The following GOLGA6L7 variants were observed in gnomAD, a reference collection of about 807,000 sequenced individuals.
The protein encoded by GOLGA6L7 is golgin A6 family like 7.
GOLGA6L7 carries 29 observed loss-of-function variants against 68.9 expected under a neutral mutation model. The ratio of observed to expected loss-of-function variants is 0.42; its 90% CI spans 0.31 to 0.57. The LOEUF (loss-of-function observed/expected upper bound fraction) is 0.57, where lower values mean the gene tolerates loss of function less well. Among genes scored for constraint, GOLGA6L7 ranks in the 20% least tolerant of loss-of-function variants. The pLI, the probability that GOLGA6L7 is intolerant of heterozygous loss-of-function variation, is 0.13. For synonymous variants in GOLGA6L7, 133 were observed against 197.4 expected (o/e 0.67, Z 2.73); for missense variants, 396 against 588.4 (o/e 0.67, Z 3.38).
intron 6 of GOLGA6L7, chr15:28,845,213 C>T (rs2030379120): frequency 2.1e-6 from 1 of 478,390 alleles, no homozygotes; most frequent in Non-Finnish European, 3.8e-6. Context: ...ACTAAAGATA[C>T]TCTTCTGTAC....
At chr15:28,846,014 A>T in intron 3 of GOLGA6L7, 64 bp from the exon 4 acceptor site, 1 of 905,680 alleles carries the variant, frequency 1.1e-6, no homozygotes, top group Admixed American at 2.0e-5. Flanking sequence ...ACAGCAAGAG[A>T]CATGCCCCCA....
In GOLGA6L7 at chr15:28,842,855, T is replaced by C. The variant is rs2030249951; in HGVS notation, c.1249A>G (p.Lys417Glu). The change falls in exon 9 of 9, where the codon AAG becomes GAG. Residue 417 changes from lysine to glutamate, a missense_variant. Physicochemically the swap from Lys to Glu is moderately conservative, Grantham distance 56 (BLOSUM62 1). Around this residue, in one of 5 missense-constraint regions of GOLGA6L7, gnomAD observed 114 missense variants for 186.0 expected, o/e 0.61. Transcript: ENST00000567390. Reference sequence around the variant, plus strand: ...TGCTCCCCCATCTGCTCCTCCTGCTTCCTCATCTGCTCCCCCATCTGCTCC... The same window carrying C: ...TGCTCCCCCATCTGCTCCTCCTGCTCCCTCATCTGCTCCCCCATCTGCTCC... ...QEEQMGEQMR[K>E]QEEQMGEQEE... 1 of 1,227,698 alleles carries C rather than the reference T, an allele frequency of 8.1e-7. No homozygotes were observed. The highest frequency in any genetic ancestry group is 1.0e-6 in the Non-Finnish European group (1 of 996,028). The allele number at this position is 1,227,698 out of a possible 1,614,324, so 76.1% of individuals were successfully genotyped here. A position where few individuals can be genotyped will look rare whatever the true frequency, so the allele number is the denominator to read the frequency against.
chr15:28,848,404 C>A, intron 1 of GOLGA6L7, 95 bp downstream of exon 1: 1 of 678,960 alleles, frequency 1.5e-6, no homozygotes, highest in Non-Finnish European at 2.7e-6. Context: ...GCCCTGCGTG[C>A]CTCTGGAGTG....
rs2030232292 is a variant in GOLGA6L7, at chr15:28,842,624, TCCGCATCTGCTCCTCCTGCTC to T, written c.1459_1479del (p.Glu487_Arg493del). 7.7e-7 allele frequency: 1 copy of T among 1,294,306 alleles called. No individual in the cohort carries two copies. The highest frequency in any genetic ancestry group is 9.7e-7 in the Non-Finnish European group (1 of 1,027,406). 80.2% of individuals were successfully genotyped at this position (1,294,306 alleles called of 1,614,324 possible). ...TTGAATTGCAGCCTCTCCACCTGCT[TCCGCATCTGCTCCTCCTGCTC>T]CCCCATCTGCTCCTCCTGCTCCCCC... On this transcript the variant is annotated inframe_deletion, in exon 9 of 9. Coordinates refer to ENST00000567390, the MANE Select transcript of GOLGA6L7 (RefSeq NM_001365371.2).
At chr15:28,846,961 C>A (rs1205051821) in intron 2 of GOLGA6L7, 103 bp downstream of exon 2, 21 of 623,914 alleles carry the variant, frequency 3.4e-5, no homozygotes, top group Non-Finnish European at 4.5e-5. Context: ...ACCCAGAATT[C>A]TTAGCCAGTA....
Position 28,845,706 on chromosome 15 carries a change from C to T in GOLGA6L7, c.355+12G>A. On this transcript the variant is annotated intron_variant, in intron 5 of 8. Transcript: ENST00000567390. ...GCCAGGTTGAAGGATGACGGGGTGCCCAGATTCCCACCTTCAAATTTCCTG... is the reference window on the plus strand; with the variant it reads ...GCCAGGTTGAAGGATGACGGGGTGCTCAGATTCCCACCTTCAAATTTCCTG... 1.3e-6 allele frequency: 1 copy of T among 772,714 alleles called. No individual in the cohort carries two copies. The highest frequency in any genetic ancestry group is 2.3e-6 in the Non-Finnish European group (1 of 427,536). The allele number at this position is 772,714 out of a possible 1,614,324, so 47.9% of individuals were successfully genotyped here. A position where few individuals can be genotyped will look rare whatever the true frequency, so the allele number is the denominator to read the frequency against.
At position 28,848,373 on chromosome 15, in the gene GOLGA6L7, A is replaced by T. The variant is rs1025386534; in HGVS notation, c.51+126T>A. The T allele has an allele frequency of 6.5e-6, 4 of 617,246 alleles. No individual in the cohort carries two copies. The African/African-American group carries it at 9.9e-5, about 15-fold the overall frequency. 38.2% of individuals were successfully genotyped at this position (617,246 alleles called of 1,614,324 possible). On this transcript the variant is annotated intron_variant, in intron 1 of 8. Transcript: ENST00000567390. ...CACAAGATTTTGGTTGGGGGAGCCC[A>T]GAGGCACTGGGGGGGGCCCGGCCCT...
At chr15:28,847,843 C>A (rs1467852550) in intron 1 of GOLGA6L7, among the ~76,000 whole-genome samples, 1 of 152,242 alleles carries the variant, frequency 6.6e-6, no homozygotes, top group African/African-American at 2.4e-5. Flanking sequence ...CTTCAAAGAT[C>A]ACTGACTGAT....
rs1170881883 is a variant in GOLGA6L7 at position 28,843,143 on chromosome 15, G to T, written c.961C>A (p.Arg321=). 1.6e-6 allele frequency: 2 copies of T among 1,221,228 alleles called. No homozygotes were observed. The highest frequency in any genetic ancestry group is 2.0e-6 in the Non-Finnish European group (2 of 982,724). The allele number at this position is 1,221,228 out of a possible 1,614,324, so 75.6% of individuals were successfully genotyped here. A position where few individuals can be genotyped will look rare whatever the true frequency, so the allele number is the denominator to read the frequency against. ...EQMRKQEEQM[R]KQEEQMGKQE... ...TTCCCCATCTGCTCCTCCTGCTTCC[G>T]CATCTGCTCCTCCTGCTTCCGCATC... Residue 321 remains arginine, a synonymous_variant, in exon 9 of 9, where the codon CGG becomes AGG. Transcript: ENST00000567390.
At chr15:28,845,993 G>A (rs778973161) in intron 3 of GOLGA6L7, 43 bp from the exon 4 acceptor site, 3 of 995,344 alleles carry the variant, frequency 3.0e-6, no homozygotes, top group Admixed American at 2.0e-5. Context: ...CTAGAGGGAG[G>A]CAGAGATGGC....
intron 1 of GOLGA6L7, 37 bp downstream of exon 1, chr15:28,848,462 G>C (rs1201602633): frequency 2.9e-6 from 2 of 701,688 alleles, no homozygotes; most frequent in Non-Finnish European, 5.2e-6. Context: ...CCTGGGGCTG[G>C]GTTGGGGTTG....
At chr15:28,844,938 G>A (rs1381303636) in intron 6 of GOLGA6L7, 2 of 192,212 alleles carry the variant, frequency 1.0e-5, no homozygotes, top group African/African-American at 4.8e-5. Context: ...TTTTGGTTGG[G>A]GGTAGGGGCA....
chr15:28,848,409 G>A (rs2030521008), intron 1 of GOLGA6L7, 90 bp downstream of exon 1: 9 of 683,298 alleles, frequency 1.3e-5, no homozygotes, highest in Non-Finnish European at 1.9e-5. Flanking sequence ...GCGTGCCTCT[G>A]GAGTGACACG....
At position 28,843,310 on chromosome 15, in the gene GOLGA6L7, C is replaced by T. The variant is rs1367982788; in HGVS notation, c.794G>A (p.Arg265Gln). 2.6e-6 allele frequency: 3 copies of T among 1,145,950 alleles called. No individual in the cohort carries two copies. The highest frequency in any genetic ancestry group is 3.3e-6 in the Non-Finnish European group (3 of 898,538). The allele number at this position is 1,145,950 out of a possible 1,614,324, so 71.0% of individuals were successfully genotyped here. ...EKMWRQEQRL[R>Q]DQEKELREQE... ...CTCCCGCAGCTCCTTCTCCTGGTCC[C>T]GCAGCCTCTGCTCCTGTCTCCACAT... The change falls in exon 9 of 9, where the codon CGG (arginine) becomes CAG (glutamine). Residue 265 changes from arginine (R) to glutamine (Q), a missense_variant. Transcript: ENST00000567390.
In GOLGA6L7 at chr15:28,847,203, G is replaced by C. The variant is rs756159973; in HGVS notation, c.52-11C>G. On this transcript the variant is annotated splice_polypyrimidine_tract_variant and intron_variant, in intron 1 of 8. Transcript: ENST00000567390. ...ATGATAGTCTGTAAACTGTGGAAAAGAGGAGCAGTGATACTCATGAGAACT... is the reference window on the plus strand; with the variant it reads ...ATGATAGTCTGTAAACTGTGGAAAACAGGAGCAGTGATACTCATGAGAACT... 3 of 1,334,786 alleles carry C rather than the reference G, an allele frequency of 2.2e-6. No homozygotes were observed. Among genetic ancestry groups the C allele is most frequent in the Non-Finnish European group, 3.1e-6 (3 of 970,508 alleles). 82.7% of individuals were successfully genotyped at this position (1,334,786 alleles called of 1,614,324 possible). A position where few individuals can be genotyped will look rare whatever the true frequency, so the allele number is the denominator to read the frequency against.
chr15:28,843,507 A>G (rs1404289189), intron 8 of GOLGA6L7, 67 bp from the exon 9 acceptor site: 6 of 463,614 alleles, frequency 1.3e-5, no homozygotes, highest in Middle Eastern at 3.8e-4. Flanking sequence ...GTTTTCGTCT[A>G]TGATTCTTTA....
chr15:28,845,709 G>A lies in GOLGA6L7; in HGVS notation c.355+9C>T, dbSNP rs1471869313. 1 of 774,762 alleles carries A rather than the reference G, an allele frequency of 1.3e-6. No homozygotes were observed. The highest frequency in any genetic ancestry group is 2.3e-6 in the Non-Finnish European group (1 of 429,410). The allele number at this position is 774,762 out of a possible 1,614,324, so 48.0% of individuals were successfully genotyped here. On this transcript the variant is annotated intron_variant, in intron 5 of 8. Transcript: ENST00000567390. ...AGGTTGAAGGATGACGGGGTGCCCAGATTCCCACCTTCAAATTTCCTGGCA... is the reference window on the plus strand; with the variant it reads ...AGGTTGAAGGATGACGGGGTGCCCAAATTCCCACCTTCAAATTTCCTGGCA...
At chr15:28,845,138 ACACAC>A (rs2030372237) in intron 6 of GOLGA6L7, 1 of 380,298 alleles carries the variant, frequency 2.6e-6, no homozygotes, top group Admixed American at 3.9e-5. Flanking sequence ...ACACACACAC[ACACAC>A]ACACACACAC....
chr15:28,848,597 C>G lies in GOLGA6L7; in HGVS notation c.-48G>C. On this transcript the variant is annotated 5_prime_UTR_variant, in exon 1 of 9. Transcript: ENST00000567390. The stretch of plus-strand genomic sequence containing the variant: ...TGGGGTCACATTGGCGTGATCCAGG[C>G]GAGGACAGTGATATGCCTCCAGTCA... 2 of 720,534 alleles carry G rather than the reference C, an allele frequency of 2.8e-6. No individual in the cohort carries two copies. Among genetic ancestry groups the G allele is most frequent in the Admixed American group, 1.9e-5 (1 of 51,956 alleles). The allele number at this position is 720,534 out of a possible 1,614,324, so 44.6% of individuals were successfully genotyped here. A position where few individuals can be genotyped will look rare whatever the true frequency, so the allele number is the denominator to read the frequency against.
Sources: gnomAD v4.1 joint callset for allele counts (sites outside exome capture counted in the v4.1 genomes callset) on GRCh38, gnomAD v4.1.1 for gene constraint, gnomAD v4.1.1 regional missense constraint, MANE v1.5 for transcripts, NCBI Gene and HGNC (gene_info 2026-07-23, HGNC 2026-07-21) for gene names.